Variants in LMAN2L observed in about 807,000 individuals in gnomAD.
LMAN2L encodes the protein lectin, mannose binding 2 like.
LMAN2L carries 30 observed loss-of-function variants against 44.3 expected under a neutral mutation model. The observed-to-expected ratio is 0.68, with a 90% confidence interval of 0.51 to 0.92. The LOEUF is 0.92. Among genes scored for constraint, LMAN2L ranks in the 40% least tolerant of loss-of-function variants. The pLI, the probability that LMAN2L is intolerant of heterozygous loss-of-function variation, is 0.00. For synonymous variants in LMAN2L, 183 were observed against 171.1 expected (o/e 1.07, Z -0.54); for missense variants, 429 against 446.1 (o/e 0.96, Z 0.35).
chr2:96,733,559 A>G lies in LMAN2L; in HGVS notation c.467T>C (p.Val156Ala). 2 of 1,613,862 alleles carry G rather than the reference A, an allele frequency of 1.2e-6. No individual in the cohort carries two copies. The highest frequency in any genetic ancestry group is 2.2e-5 in the South Asian group (2 of 91,068). Residue 156 changes from valine (V) to alanine (A), a missense_variant, in exon 4 of 8, where the codon GTA becomes GCA. Transcript: ENST00000264963. ...CTCATTGGGGTAGGTGTCTACAAAT[A>G]CTCCCAGCCCCACAAATTTGTCCAT... The part of the protein sequence containing the change: ...GNMDKFVGLG[V>A]FVDTYPNEEK...
At chr2:96,735,731 A>G (rs2078500590) in intron 2 of LMAN2L, among the ~76,000 whole-genome samples, 1 of 152,052 alleles carries the variant, frequency 6.6e-6, no homozygotes, top group African/African-American at 2.4e-5. Context: ...CTAGCTACTC[A>G]GGAGGCTGAG....
At chr2:96,732,425 C>G (rs1319824375) in intron 4 of LMAN2L, among the ~76,000 whole-genome samples, 7 of 151,696 alleles carry the variant, frequency 4.6e-5, no homozygotes, top group Non-Finnish European at 8.8e-5. Context: ...ACAGGCGGAT[C>G]ACGAGGTCAG....
intron 2 of LMAN2L, among the ~76,000 whole-genome samples, chr2:96,737,717 C>T (rs1434333533): frequency 3.3e-5 from 5 of 151,714 alleles, no homozygotes; most frequent in African/African-American, 4.8e-5. Context: ...CAGGAATTAA[C>T]GACATTTCAG....
rs746426630 is a variant in LMAN2L at position 96,734,472 on chromosome 2, C to T, written c.361G>A (p.Gly121Arg). ...LQVHFKIHGQ[G>R]KKNLHGDGLA... is the part of the protein sequence containing the mutation. The stretch of plus-strand genomic sequence containing the variant: ...CCATCCCCATGCAGATTCTTCTTTC[C>T]TTGTCCATGGATTTTGAAGTGCACC... Residue 121 changes from glycine (G) to arginine (R), a missense_variant, in exon 3 of 8, where the codon GGA becomes AGA. By Grantham distance (125) the Gly-to-Arg change is moderately radical (BLOSUM62 -2). Coordinates refer to ENST00000264963, the MANE Select transcript of LMAN2L (RefSeq NM_030805.4). 5.0e-6 allele frequency: 8 copies of T among 1,614,000 alleles called. No homozygotes were observed. Among genetic ancestry groups the T allele is most frequent in the African/African-American group, 1.3e-5 (1 of 75,034 alleles).
chr2:96,713,152 A>G (rs1396399341), intron 4 of LMAN2L: 2 of 1,551,210 alleles, frequency 1.3e-6, no homozygotes, highest in Non-Finnish European at 1.7e-6. Flanking sequence ...GAGAGGGTCC[A>G]GCAGGTTATG....
At chr2:96,717,693 G>C (rs934861937) in intron 4 of LMAN2L, among the ~76,000 whole-genome samples, 1 of 151,776 alleles carries the variant, frequency 6.6e-6, no homozygotes, top group Non-Finnish European at 1.5e-5. Flanking sequence ...TACAAAATTA[G>C]ACGGGCATGG....
chr2:96,731,581 T>C (rs1405540233), intron 4 of LMAN2L, among the ~76,000 whole-genome samples: 1 of 151,700 alleles, frequency 6.6e-6, no homozygotes, highest in Admixed American at 6.6e-5. Context: ...AGGAGGTGTA[T>C]GTAGGTTGCA....
At chr2:96,711,559 C>T (rs999238504) in intron 6 of LMAN2L, 97 bp downstream of exon 6, 1 of 778,884 alleles carries the variant, frequency 1.3e-6, no homozygotes, top group Non-Finnish European at 2.2e-6. Flanking sequence ...TTCCAGAGCA[C>T]CGCTCCTCTG....
Position 96,707,700 on chromosome 2 carries a change from G to A in LMAN2L, c.904+14C>T. The A allele has an allele frequency of 6.2e-7, 1 of 1,613,540 alleles. No individual in the cohort carries two copies. The highest frequency in any genetic ancestry group is 8.5e-7 in the Non-Finnish European group (1 of 1,179,854). On this transcript the variant is annotated intron_variant, in intron 7 of 7. Coordinates refer to ENST00000264963, the MANE Select transcript of LMAN2L (RefSeq NM_030805.4). Reference sequence around the variant, plus strand: ...CCAACTATGGGACCATTTCCCGCGGGCCCCTGTGCTCACTCTCAGGCAGCT... The same window carrying A: ...CCAACTATGGGACCATTTCCCGCGGACCCCTGTGCTCACTCTCAGGCAGCT...
rs2077801215 is a variant in LMAN2L at position 96,707,200 on chromosome 2, C to T, written c.*56G>A. 1 of 1,572,478 alleles carries T rather than the reference C, an allele frequency of 6.4e-7. No homozygotes were observed. Among genetic ancestry groups the T allele is most frequent in the Non-Finnish European group, 8.7e-7 (1 of 1,148,428 alleles). On this transcript the variant is annotated 3_prime_UTR_variant, in exon 8 of 8. Coordinates refer to ENST00000264963, the MANE Select transcript of LMAN2L (RefSeq NM_030805.4). ...CCAGGCTGCATGCTCAGGCCAGTGC[C>T]TGCTCCTTCCATACCTCATGGGTGA... is the stretch of plus-strand genomic sequence containing the variant.
In LMAN2L at chr2:96,708,455, A is replaced by G. The variant is rs2077834424; in HGVS notation, c.785-622T>C. 6.6e-5 allele frequency among the ~76,000 whole-genome samples: 10 copies of G among 152,356 alleles called. 1 individual carries two copies. The South Asian group carries it at 2.1e-3, about 32-fold the overall frequency. On this transcript the variant is annotated intron_variant, in intron 6 of 7. Transcript: ENST00000264963. ...GGTAGGTGTATTGAATGCATTTTCA[A>G]CTTACAATATCTACAACCTACAATG...
chr2:96,707,343 G>A lies in LMAN2L; in HGVS notation c.960C>T (p.Phe320=), dbSNP rs199620943. ...TGGCAAATACAGAAAACACCAGGGAGAAAAAGACGATGAGGAAGAGGGCCA... is the reference window on the plus strand; with the variant it reads ...TGGCAAATACAGAAAACACCAGGGAAAAAAAGACGATGAGGAAGAGGGCCA... ...SGLALFLIVF[F]SLVFSVFAIV... The change falls in exon 8 of 8, where the codon TTC becomes TTT. Residue 320 remains phenylalanine, a synonymous_variant. Transcript: ENST00000264963. The A allele has an allele frequency of 4.3e-6, 7 of 1,613,918 alleles. No individual in the cohort carries two copies. In the East Asian group the frequency reaches 1.6e-4, roughly 36 times the overall value.
intron 2 of LMAN2L, 57 bp downstream of exon 2, chr2:96,737,892 T>G (rs2078548827): frequency 1.4e-5 from 14 of 1,012,570 alleles, no homozygotes; most frequent in Non-Finnish European, 1.7e-5. Context: ...AGTATGCCAC[T>G]GCTGAACTTT....
chr2:96,728,734 T>A (rs182316385), intron 4 of LMAN2L, among the ~76,000 whole-genome samples: 1 of 150,308 alleles, frequency 6.7e-6, no homozygotes, highest in Non-Finnish European at 1.5e-5. Context: ...TCAGCCAGAC[T>A]GGGTGGAGTG....
intron 2 of LMAN2L, chr2:96,737,020 C>T: frequency 2.7e-6 from 1 of 364,880 alleles, no homozygotes. Flanking sequence ...AAAGTAAGTT[C>T]TTAGTTTAAG....
intron 4 of LMAN2L, among the ~76,000 whole-genome samples, chr2:96,730,709 G>C (rs766967700): frequency 6.4e-4 from 97 of 151,600 alleles, no homozygotes; most frequent in Non-Finnish European, 2.4e-4. Context: ...GTTTCACTCT[G>C]TCGCCCAGGC....
Position 96,712,033 on chromosome 2 carries a change from G to A in LMAN2L, c.508-8C>T, listed in dbSNP as rs763848919. The A allele has an allele frequency of 9.9e-6, 16 of 1,613,976 alleles. 1 individual carries two copies. The South Asian group carries it at 1.8e-4, about 18-fold the overall frequency. On this transcript the variant is annotated splice_region_variant and splice_polypyrimidine_tract_variant and intron_variant, in intron 4 of 7. Coordinates refer to ENST00000264963, the MANE Select transcript of LMAN2L (RefSeq NM_030805.4). ...GATGTAGGGGAATACCCGCTGGAAAGCAGAGAGGGGGAAGCAGACACTAAG... is the reference window on the plus strand; with the variant it reads ...GATGTAGGGGAATACCCGCTGGAAAACAGAGAGGGGGAAGCAGACACTAAG...
chr2:96,716,422 C>A (rs1028631974), intron 4 of LMAN2L, among the ~76,000 whole-genome samples: 7 of 152,204 alleles, frequency 4.6e-5, no homozygotes, highest in African/African-American at 1.7e-4. Context: ...CTAGGAGCCA[C>A]TCTTTTAGAG....
At chr2:96,725,444 C>CTT (rs998623420) in intron 4 of LMAN2L, among the ~76,000 whole-genome samples, 17 of 136,032 alleles carry the variant, frequency 1.2e-4, no homozygotes, top group East Asian at 4.3e-4. Flanking sequence ...ATTAAATTTT[C>CTT]TTTTTTTTTT....
Sources: gnomAD v4.1 joint callset for allele counts (sites outside exome capture counted in the v4.1 genomes callset) on GRCh38, gnomAD v4.1.1 for gene constraint, MANE v1.5 for transcripts, NCBI Gene and HGNC (gene_info 2026-07-23, HGNC 2026-07-21) for gene names.